Variants in DYRK1A observed in about 807,000 individuals in gnomAD.
DYRK1A encodes the protein dual specificity tyrosine-phosphorylation-regulated kinase 1A.
DYRK1A carries 9 observed loss-of-function variants against 79.7 expected under a neutral mutation model. The observed-to-expected ratio is 0.11, with a 90% confidence interval of 0.07 to 0.20. The LOEUF is 0.20. Ranked by LOEUF, DYRK1A falls within the 10% of genes least tolerant of loss-of-function variation. The probability of loss-of-function intolerance (pLI) is 1.00; values close to 1 mark genes in which losing one functional copy is unlikely to be tolerated. For synonymous variants in DYRK1A, 349 were observed against 329.7 expected, an observed-to-expected ratio of 1.06 and a Z score of -0.63; for missense variants, 622 against 956.0, an observed-to-expected ratio of 0.65 and a Z score of 4.61.
chr21:37,369,292 T>G (rs1214228398), intron 1 of DYRK1A, among the ~76,000 whole-genome samples: 1 of 152,260 alleles, frequency 6.6e-6, no homozygotes, highest in Non-Finnish European at 1.5e-5. Context: ...TTTAGGATAA[T>G]ATTGTTTTCA....
At chr21:37,404,152 T>A (rs1362168136) in intron 1 of DYRK1A, among the ~76,000 whole-genome samples, 2 of 152,184 alleles carry the variant, frequency 1.3e-5, no homozygotes, top group African/African-American at 4.8e-5. Context: ...TATATATGTA[T>A]GTATCCATAA....
chr21:37,371,053 A>G (rs1409911247), intron 1 of DYRK1A, among the ~76,000 whole-genome samples: 2 of 152,206 alleles, frequency 1.3e-5, no homozygotes, highest in African/African-American at 4.8e-5. Flanking sequence ...AAAAGTTTGG[A>G]GAGTTAAAAT....
chr21:37,370,303 T>C (rs1223627940), intron 1 of DYRK1A, among the ~76,000 whole-genome samples: 1 of 152,060 alleles, frequency 6.6e-6, no homozygotes, highest in Non-Finnish European at 1.5e-5. Flanking sequence ...TTTTTTTTTT[T>C]AAGAAATAGC....
chr21:37,439,415 A>T (rs966415664), intron 2 of DYRK1A, among the ~76,000 whole-genome samples: 2 of 152,202 alleles, frequency 1.3e-5, no homozygotes, highest in Non-Finnish European at 2.9e-5. Context: ...ATCAAACAGT[A>T]TGTTAGCTGT....
chr21:37,464,239 T>C (rs770868535), intron 2 of DYRK1A: 4 of 470,892 alleles, frequency 8.5e-6, no homozygotes, highest in Non-Finnish European at 1.7e-5. Flanking sequence ...GTCTTTGAGA[T>C]GTGTTGTTTA....
chr21:37,475,760 T>C (rs895106274), intron 3 of DYRK1A, among the ~76,000 whole-genome samples: 2 of 152,220 alleles, frequency 1.3e-5, no homozygotes, highest in African/African-American at 4.8e-5. Flanking sequence ...GTAACTCATG[T>C]TTATATCCTA....
chr21:37,451,774 G>A (rs2051461316), intron 2 of DYRK1A, among the ~76,000 whole-genome samples: 1 of 152,192 alleles, frequency 6.6e-6, no homozygotes, highest in Admixed American at 6.5e-5. Context: ...ATATCCTCAT[G>A]GTTAGGTGAC....
At chr21:37,486,179 A>C (rs1402886309) in intron 5 of DYRK1A, 5 of 185,372 alleles carry the variant, frequency 2.7e-5, no homozygotes, top group Middle Eastern at 2.0e-3. Flanking sequence ...GGAGGAAAAT[A>C]GTTAATTTAA....
At chr21:37,412,566 A>C (rs1452021989) in intron 1 of DYRK1A, among the ~76,000 whole-genome samples, 1 of 152,148 alleles carries the variant, frequency 6.6e-6, no homozygotes, top group East Asian at 1.9e-4. Context: ...CAGGCCTAGG[A>C]GATAGTTAAT....
intron 1 of DYRK1A, among the ~76,000 whole-genome samples, chr21:37,378,908 G>T (rs994886423): frequency 4.6e-5 from 7 of 152,260 alleles, no homozygotes; most frequent in Non-Finnish European, 1.0e-4. Flanking sequence ...ACTGGGTCTC[G>T]ATCTTGAAGA....
intron 11 of DYRK1A, chr21:37,506,493 G>T: frequency 1.0e-6 from 1 of 974,820 alleles, no homozygotes; most frequent in Non-Finnish European, 1.5e-6. Flanking sequence ...CCAAAGCAGC[G>T]TTTTGAGCCT....
intron 1 of DYRK1A, among the ~76,000 whole-genome samples, chr21:37,416,853 C>T (rs565732242): frequency 4.6e-5 from 7 of 152,114 alleles, no homozygotes; most frequent in East Asian, 3.9e-4. Flanking sequence ...GTGAAATATG[C>T]GAGCATTTAT....
intron 1 of DYRK1A, among the ~76,000 whole-genome samples, chr21:37,393,077 A>G (rs2049900353): frequency 6.6e-6 from 1 of 152,250 alleles, no homozygotes; most frequent in Non-Finnish European, 1.5e-5. Flanking sequence ...TTGTGGATGA[A>G]GTTTTCAACA....
At chr21:37,392,453 A>G (rs1253453950) in intron 1 of DYRK1A, among the ~76,000 whole-genome samples, 1 of 152,206 alleles carries the variant, frequency 6.6e-6, no homozygotes, top group Non-Finnish European at 1.5e-5. Flanking sequence ...AATACCTTGG[A>G]CTGAATAATT....
intron 5 of DYRK1A, among the ~76,000 whole-genome samples, chr21:37,481,849 A>T (rs553551695): frequency 1.5e-4 from 19 of 125,076 alleles, no homozygotes; most frequent in South Asian, 8.7e-4. Flanking sequence ...CTATTCATTT[A>T]AAAAAAAAAA....
chr21:37,376,691 A>AGG (rs1265293560), intron 1 of DYRK1A, among the ~76,000 whole-genome samples: 2 of 152,018 alleles, frequency 1.3e-5, no homozygotes, highest in Non-Finnish European at 2.9e-5. Context: ...ACTGGACTAG[A>AGG]GGGAGTGTCC....
At position 37,500,929 on chromosome 21, in the gene DYRK1A, C is replaced by T. The variant is rs192676040; in HGVS notation, c.1213-4354C>T. 7.3e-3 allele frequency among the ~76,000 whole-genome samples: 1,045 copies of T among 144,128 alleles called. 13 individuals are homozygous for T. The highest frequency in any genetic ancestry group is 0.025 in the African/African-American group (1,004 of 39,506). The allele number at this position is 144,128 out of a possible 152,430, so 94.6% of individuals were successfully genotyped here. ...AACCAGCTTTTGACTTTGTTGATTTCTTTTTTTTTTCTTTTCTTTTTCTAT... is the reference window on the plus strand; with the variant it reads ...AACCAGCTTTTGACTTTGTTGATTTTTTTTTTTTTTCTTTTCTTTTTCTAT... On this transcript the variant is annotated intron_variant, in intron 9 of 11. Transcript: ENST00000647188.
chr21:37,447,470 A>G (rs1024086236), intron 2 of DYRK1A, among the ~76,000 whole-genome samples: 1 of 152,098 alleles, frequency 6.6e-6, no homozygotes, highest in Admixed American at 6.5e-5. Context: ...CTTTTTGTAA[A>G]TAAAGTTTTA....
rs1569414872 is a variant in DYRK1A at position 37,523,363 on chromosome 21, G to A, written c.*10832G>A. The A allele has an allele frequency of 6.6e-6, 1 of 152,256 alleles. No homozygotes were observed. The highest frequency in any genetic ancestry group is 1.9e-4 in the East Asian group (1 of 5,196). The allele number at this position is 152,256 out of a possible 1,614,324, so 9.4% of individuals were successfully genotyped here. On this transcript the variant is annotated 3_prime_UTR_variant, in exon 12 of 12. Coordinates refer to ENST00000647188, the MANE Select transcript of DYRK1A (RefSeq NM_001347721.2). ...TTCGTTTAGGCCCCTTTCTTTGTGA[G>A]AGGGGGCCCCAGGATTATGCCCCGG...
Sources: allele counts gnomAD v4.1 joint callset (sites outside exome capture counted in the v4.1 genomes callset), GRCh38; gene constraint gnomAD v4.1.1; transcripts MANE v1.5; gene names NCBI Gene and HGNC (gene_info 2026-07-23, HGNC 2026-07-21).